Variants in FFAR1 observed in about 807,000 individuals in gnomAD.
The protein encoded by FFAR1 is free fatty acid receptor 1.
For missense variants in FFAR1, 424 were observed against 396.2 expected (o/e 1.07, Z -0.60); for synonymous variants, 216 against 201.5 (o/e 1.07, Z -0.61).
chr19:35,352,265 A>G (rs1282722066), exon 1 of FFAR1: 1 of 1,553,166 alleles, frequency 6.4e-7, no homozygotes, highest in South Asian at 1.2e-5. Flanking sequence ...TCTGCGTAGG[A>G]CCCTACAACG....
At chr19:35,353,227 T>C (rs1311707011) in exon 1 of FFAR1, 2 of 152,232 alleles carry the variant, frequency 1.3e-5, no homozygotes, top group African/African-American at 2.4e-5. Flanking sequence ...ATGCCTGTAA[T>C]CCCAGCACTT....
At chr19:35,352,088 C>T (rs1354862942) in exon 1 of FFAR1, 28 of 1,612,918 alleles carry the variant, frequency 1.7e-5, no homozygotes, top group South Asian at 1.4e-4. Context: ...CGGCCTCTGC[C>T]GGCCCGGCCC....
exon 1 of FFAR1, chr19:35,351,871 G>C: frequency 1.9e-6 from 3 of 1,613,664 alleles, no homozygotes; most frequent in Non-Finnish European, 2.5e-6. Flanking sequence ...CGCTACCTGG[G>C]AGCAGCCTTC....
At chr19:35,351,420 T>C (rs2145691645), upstream of FFAR1, 7 of 760,516 alleles carry the variant, frequency 9.2e-6, no homozygotes, top group South Asian at 9.7e-5. Context: ...TCCCACCAGG[T>C]GAATTGTAAT....
At chr19:35,351,766 G>T in exon 1 of FFAR1, 1 of 1,572,186 alleles carries the variant, frequency 6.4e-7, no homozygotes. Flanking sequence ...TCCGGGGCCT[G>T]GCCTCTGCCG....
chr19:35,348,689 CTTCA>C (rs2066931773), upstream of FFAR1, among the ~76,000 whole-genome samples: 1 of 152,298 alleles, frequency 6.6e-6, no homozygotes, highest in South Asian at 2.1e-4. Flanking sequence ...TCAACTCTTT[CTTCA>C]TTCATTCTGC....
Position 35,351,866 on chromosome 19 carries a change from C to G in FFAR1, c.315C>G (p.Tyr105Ter). The change falls in exon 1 of 1, where the codon TAC becomes TAG. Residue 105 changes from tyrosine (Y) to a stop codon, truncating the protein, a stop_gained. Transcript: ENST00000246553. LOFTEE classifies it low-confidence loss of function (END_TRUNC). ...TGGCCGCCCTGAGTGCAGGCCGCTA[C>G]CTGGGAGCAGCCTTCCCCTTGGGCT... 1 of 1,613,816 alleles carries G rather than the reference C, an allele frequency of 6.2e-7. No individual in the cohort carries two copies. The highest frequency in any genetic ancestry group is 8.5e-7 in the Non-Finnish European group (1 of 1,179,916).
chr19:35,351,457 G>C (rs565527204), upstream of FFAR1: 1 of 1,122,072 alleles, frequency 8.9e-7, no homozygotes, highest in Non-Finnish European at 1.3e-6. Flanking sequence ...GAACCCGCGA[G>C]TGATCCCAGG....
chr19:35,351,792 G>A (rs919482801), exon 1 of FFAR1: 1 of 1,593,332 alleles, frequency 6.3e-7, no homozygotes, highest in Non-Finnish European at 8.5e-7. Context: ...GCTGTGCCCC[G>A]TCTTCGCGGT....
exon 1 of FFAR1, chr19:35,353,772 T>C (rs2066954627): frequency 6.6e-6 from 1 of 152,266 alleles, no homozygotes; most frequent in Non-Finnish European, 1.5e-5. Flanking sequence ...CTTTGCTTCT[T>C]GGAAGCAGCT....
At chr19:35,352,499 G>T in exon 1 of FFAR1, 1 of 1,529,384 alleles carries the variant, frequency 6.5e-7, no homozygotes. Flanking sequence ...GGGCCCGGCT[G>T]CTTCTCCAGG....
At chr19:35,351,047 G>A (rs1217924567), upstream of FFAR1, among the ~76,000 whole-genome samples, 3 of 152,044 alleles carry the variant, frequency 2.0e-5, no homozygotes, top group African/African-American at 4.8e-5. Flanking sequence ...CTGCTGCCCC[G>A]CCGGCTTTCC....
chr19:35,351,858 G>A (rs2066946280), exon 1 of FFAR1: 3 of 1,613,352 alleles, frequency 1.9e-6, no homozygotes, highest in African/African-American at 2.7e-5. Flanking sequence ...CCTGAGTGCA[G>A]GCCGCTACCT....
In FFAR1 at chr19:35,353,821, G is replaced by A. The variant is rs935515775; in HGVS notation, c.*1367G>A. ...TGGCCCCGCATTTGGGGCCAAGGGGGTTATTCAAAGTTTACGGTATTGCAT... is the reference window on the plus strand; with the variant it reads ...TGGCCCCGCATTTGGGGCCAAGGGGATTATTCAAAGTTTACGGTATTGCAT... On this transcript the variant is annotated 3_prime_UTR_variant, in exon 1 of 1. Transcript: ENST00000246553. The A allele has an allele frequency of 2.6e-5, 4 of 152,364 alleles. No individual in the cohort carries two copies. In the East Asian group the frequency reaches 7.7e-4, roughly 29 times the overall value. The allele number at this position is 152,364 out of a possible 1,614,324, so 9.4% of individuals were successfully genotyped here. A position where few individuals can be genotyped will look rare whatever the true frequency, so the allele number is the denominator to read the frequency against.
chr19:35,352,107 C>T, exon 1 of FFAR1: 1 of 1,612,488 alleles, frequency 6.2e-7, no homozygotes, highest in East Asian at 2.2e-5. Context: ...CCGCTTCAGC[C>T]TCTCTCTCCT....
chr19:35,351,394 C>G (rs938845668), upstream of FFAR1: 3 of 204,320 alleles, frequency 1.5e-5, no homozygotes, highest in African/African-American at 7.1e-5. Context: ...CTCTGTGGGC[C>G]TCGTTTCCTC....
At chr19:35,349,789 G>A (rs530302120), upstream of FFAR1, among the ~76,000 whole-genome samples, 9 of 152,278 alleles carry the variant, frequency 5.9e-5, no homozygotes, top group East Asian at 1.7e-3. Context: ...TCATTCTGAG[G>A]CAGGAAATAG....
chr19:35,352,214 G>A (rs753667981), exon 1 of FFAR1: 2 of 1,585,322 alleles, frequency 1.3e-6, no homozygotes, highest in South Asian at 1.1e-5. Context: ...GGAAGCTGCG[G>A]GCCGCCTGGG....
At chr19:35,352,203 C>G (rs772745297) in exon 1 of FFAR1, 2 of 1,593,228 alleles carry the variant, frequency 1.3e-6, no homozygotes, top group East Asian at 2.3e-5. Context: ...GACGCACAGG[C>G]GGAAGCTGCG....
Sources: allele counts gnomAD v4.1 joint callset (sites outside exome capture counted in the v4.1 genomes callset), GRCh38; gene constraint gnomAD v4.1.1; transcripts MANE v1.5; gene names NCBI Gene and HGNC (gene_info 2026-07-23, HGNC 2026-07-21).